Variants in FARP1 observed in about 807,000 individuals in gnomAD.
FARP1 encodes the protein FERM, ARHGEF and pleckstrin domain-containing protein 1.
In FARP1, 52 loss-of-function variants were observed where a neutral mutation model predicts 128.8. The ratio of observed to expected loss-of-function variants is 0.40; its 90% CI spans 0.32 to 0.51. The LOEUF is 0.51. FARP1 is among the 20% of genes least tolerant of loss of function. The pLI, the probability that FARP1 is intolerant of heterozygous loss-of-function variation, is 0.45. For missense variants in FARP1, 1,333 were observed against 1,367.9 expected (o/e 0.97, Z 0.40); for synonymous variants, 580 against 551.8 (o/e 1.05, Z -0.72).
intron 13 of FARP1, 97 bp downstream of exon 13, chr13:98,395,573 C>A: frequency 7.1e-7 from 1 of 1,399,802 alleles, no homozygotes; most frequent in Non-Finnish European, 9.6e-7. Flanking sequence ...AGAGAACAAG[C>A]GTCCCGATCC....
intron 2 of FARP1, among the ~76,000 whole-genome samples, chr13:98,256,949 A>ATATATATATATATATATATATATATATG (rs1883630380): frequency 1.8e-4 from 4 of 21,686 alleles, no homozygotes; most frequent in Non-Finnish European, 2.1e-4. Flanking sequence ...ATATATGTGG[A>ATATATATATATATATATATATATATATG]TATATATATA....
intron 1 of FARP1, among the ~76,000 whole-genome samples, chr13:98,209,496 T>A (rs1298069374): frequency 1.0e-5 from 1 of 97,170 alleles, no homozygotes; most frequent in Non-Finnish European, 2.1e-5. Flanking sequence ...TTTTTTTTTT[T>A]AAGGAAAATA....
rs41279118 is a variant in FARP1, at chr13:98,404,049, C to G, written c.1415-5289C>G. 255 of 155,080 alleles carry G rather than the reference C, an allele frequency of 1.6e-3. 2 individuals carry two copies. In the South Asian group the frequency reaches 0.017, roughly 10 times the overall value. The allele number at this position is 155,080 out of a possible 1,614,324, so 9.6% of individuals were successfully genotyped here. Reference sequence around the variant, plus strand: ...ACCACCACTGCTACTACCAACATCACCACCACCATCACCACCACCGTGTTC... The same window carrying G: ...ACCACCACTGCTACTACCAACATCAGCACCACCATCACCACCACCGTGTTC... On this transcript the variant is annotated intron_variant, in intron 13 of 26. Coordinates refer to ENST00000319562, the MANE Select transcript of FARP1 (RefSeq NM_005766.4).
intron 19 of FARP1, chr13:98,437,661 G>T (rs1892331509): frequency 3.1e-6 from 2 of 652,790 alleles, no homozygotes; most frequent in East Asian, 2.6e-5. Context: ...GGCGCAGGAA[G>T]ATGGTGAGTT....
chr13:98,252,010 G>A (rs1017686996), intron 2 of FARP1, among the ~76,000 whole-genome samples: 10 of 140,518 alleles, frequency 7.1e-5, no homozygotes, highest in Non-Finnish European at 1.2e-4. Context: ...ACCATGCCCG[G>A]TTATTTTTTG....
intron 2 of FARP1, among the ~76,000 whole-genome samples, chr13:98,226,013 C>T (rs1465938502): frequency 7.2e-6 from 1 of 138,570 alleles, no homozygotes. Flanking sequence ...TCCGTTTTTC[C>T]AGGCTAATCC....
intron 13 of FARP1, chr13:98,400,418 TCTGTTTCATAC>T (rs1354215495): frequency 6.6e-6 from 1 of 152,250 alleles, no homozygotes; most frequent in African/African-American, 2.4e-5. Context: ...CACACAGCTC[TCTGTTTCATAC>T]CTGTAATCAG....
chr13:98,278,286 G>T (rs1884763857), intron 2 of FARP1, among the ~76,000 whole-genome samples: 2 of 146,212 alleles, frequency 1.4e-5, no homozygotes, highest in South Asian at 2.1e-4. Context: ...GTGAATGTGT[G>T]TATGTATGTG....
chr13:98,172,022 C>G (rs1384671776), intron 1 of FARP1, among the ~76,000 whole-genome samples: 3 of 152,162 alleles, frequency 2.0e-5, no homozygotes, highest in Non-Finnish European at 2.9e-5. Context: ...CTGCCTGCCT[C>G]CTGTCAGTGC....
At chr13:98,152,008 G>A (rs55993915) in intron 1 of FARP1, among the ~76,000 whole-genome samples, 13,693 of 152,022 alleles carry the variant, frequency 0.09, 788 homozygotes, top group African/African-American at 0.15. Context: ...GCTCTTTCCC[G>A]AAAACCTCAA....
rs1454893320 is a variant in FARP1, at chr13:98,285,079, T to C, written c.172-58683T>C. The stretch of plus-strand genomic sequence containing the variant: ...TTTCCAAAAGGTGCGAGTATTATTA[T>C]TCAGTAGCTAAAAGGTAATGCTGCA... On this transcript the variant is annotated intron_variant, in intron 2 of 26. Coordinates refer to ENST00000319562, the MANE Select transcript of FARP1 (RefSeq NM_005766.4). 2.0e-5 allele frequency among the ~76,000 whole-genome samples: 3 copies of C among 152,202 alleles called. No individual in the cohort carries two copies. In the East Asian group the frequency reaches 5.8e-4, roughly 29 times the overall value.
chr13:98,424,437 A>G, intron 16 of FARP1, 135 bp from the exon 17 acceptor site: 1 of 667,664 alleles, frequency 1.5e-6, no homozygotes, highest in Non-Finnish European at 2.8e-6. Flanking sequence ...ATAACATTCC[A>G]TGACCCCATA....
intron 2 of FARP1, among the ~76,000 whole-genome samples, chr13:98,300,425 A>G: frequency 6.6e-6 from 1 of 152,222 alleles, no homozygotes; most frequent in Non-Finnish European, 1.5e-5. Flanking sequence ...AGAGCTGGGC[A>G]GATGCTTTGG....
intron 2 of FARP1, among the ~76,000 whole-genome samples, chr13:98,287,799 T>C (rs1014149021): frequency 1.7e-4 from 19 of 111,188 alleles, no homozygotes; most frequent in African/African-American, 6.2e-4. Flanking sequence ...CCCAGGCACT[T>C]CTTTTTTTTT....
At chr13:98,362,801 C>T (rs1431260649) in intron 3 of FARP1, among the ~76,000 whole-genome samples, 2 of 152,298 alleles carry the variant, frequency 1.3e-5, no homozygotes, top group East Asian at 1.9e-4. Flanking sequence ...CTGCAGTGCT[C>T]GCTATCTCTG....
In FARP1 at chr13:98,448,284, C is replaced by T. The variant is rs757505772; in HGVS notation, c.3105C>T (p.His1035=). The change falls in exon 27 of 27, where the codon CAC becomes CAT. Residue 1035 remains histidine (H), a synonymous_variant. Coordinates refer to ENST00000319562, the MANE Select transcript of FARP1 (RefSeq NM_005766.4). The stretch of plus-strand genomic sequence containing the variant: ...CCACCAGCTCTGCCTCGCGACCCCA[C>T]GTGTTGAGTCACAAAGAGTCTCTTG... The part of the protein sequence containing the change: ...RSATSSASRP[H]VLSHKESLVY The T allele has an allele frequency of 1.1e-5, 17 of 1,614,070 alleles. No homozygotes were observed. In the Admixed American group the frequency reaches 1.2e-4, roughly 11 times the overall value.
rs149472264 is a variant in FARP1, at chr13:98,367,929, T to G, written c.320-188T>G. Among the ~76,000 whole-genome samples the G allele has an allele frequency of 9.9e-4, 151 of 152,216 alleles. 2 individuals carry two copies. The East Asian group carries it at 0.023, about 23-fold the overall frequency. ...TATTTTTTAAAAATGGATCTCTCTT[T>G]CCCCACAATATGGAAGTGTGAATTA... On this transcript the variant is annotated intron_variant, in intron 4 of 26. Coordinates refer to ENST00000319562, the MANE Select transcript of FARP1 (RefSeq NM_005766.4).
chr13:98,162,446 C>T (rs540944625), intron 1 of FARP1, among the ~76,000 whole-genome samples: 4 of 152,128 alleles, frequency 2.6e-5, no homozygotes, highest in Non-Finnish European at 4.4e-5. Flanking sequence ...ATTCCTAGCT[C>T]GGGGCATGGC....
chr13:98,428,423 C>G (rs1194083997), intron 17 of FARP1, among the ~76,000 whole-genome samples: 2 of 152,114 alleles, frequency 1.3e-5, no homozygotes, highest in Admixed American at 6.6e-5. Context: ...TCTCCTGGCT[C>G]TCTGTTTTCT....
Sources: allele counts gnomAD v4.1 joint callset (sites outside exome capture counted in the v4.1 genomes callset), GRCh38; gene constraint gnomAD v4.1.1; transcripts MANE v1.5; gene names NCBI Gene and HGNC (gene_info 2026-07-23, HGNC 2026-07-21).